The following CLCN7 variants were observed in gnomAD, a reference collection of about 807,000 sequenced individuals.
The protein encoded by CLCN7 is Cl-/H+ antiporter 7.
A neutral mutation model predicts 102.1 loss-of-function variants in CLCN7; 60 were observed. That is an observed-to-expected ratio of 0.59 (90% CI 0.48 to 0.73). The LOEUF (loss-of-function observed/expected upper bound fraction) is 0.73. Ranked by LOEUF, CLCN7 falls within the 30% of genes least tolerant of loss-of-function variation. The pLI is 0.00. For synonymous variants in CLCN7, 560 were observed against 490.5 expected (o/e 1.14, Z -1.87); for missense variants, 962 against 1,125.7 (o/e 0.85, Z 2.08).
intron 1 of CLCN7, 117 bp downstream of exon 1, chr16:1,474,717 C>T: frequency 1.1e-6 from 1 of 934,454 alleles, no homozygotes; most frequent in Non-Finnish European, 1.4e-6. Flanking sequence ...CCGAGTCCAC[C>T]GCGCCTCGGT....
chr16:1,460,546 G>C lies in CLCN7; in HGVS notation c.485-19C>G, dbSNP rs1490910679. ...TCGATATCTGGGGCTCATCAAGGAG[G>C]GCTGGCTGCTTCCCCGTCATGACCA... On this transcript the variant is annotated intron_variant, in intron 5 of 24. Coordinates refer to ENST00000382745, the MANE Select transcript of CLCN7 (RefSeq NM_001287.6). 5.7e-6 allele frequency: 9 copies of C among 1,588,628 alleles called. No homozygotes were observed. The highest frequency in any genetic ancestry group is 2.2e-5 in the South Asian group (2 of 90,522).
chr16:1,460,595 C>T (rs897329679), intron 5 of CLCN7, 68 bp from the exon 6 acceptor site: 5 of 1,381,238 alleles, frequency 3.6e-6, no homozygotes, highest in East Asian at 2.3e-5. Context: ...TCAGCCCTGC[C>T]CCACAGACCA....
intron 14 of CLCN7, among the ~76,000 whole-genome samples, chr16:1,453,204 G>A (rs998992612): frequency 5.3e-5 from 8 of 152,062 alleles, no homozygotes; most frequent in African/African-American, 1.9e-4. Context: ...GTAGAGACGG[G>A]GTTTCTCCAT....
Position 1,461,037 on chromosome 16 carries a change from C to G in CLCN7, c.352-89G>C, listed in dbSNP as rs111826857. 7.2e-6 allele frequency: 11 copies of G among 1,525,398 alleles called. No homozygotes were observed. In the African/African-American group the frequency reaches 1.2e-4, roughly 17 times the overall value. 94.5% of individuals were successfully genotyped at this position (1,525,398 alleles called of 1,614,324 possible). ...GGACCGCCCAGACCGCCTGCAGGCC[C>G]CGGGATTATGAAGGGCCCAGTGTGC... On this transcript the variant is annotated intron_variant, in intron 4 of 24. Transcript: ENST00000382745.
chr16:1,447,633 T>C (rs759242069), intron 22 of CLCN7, 22 bp downstream of exon 22: 1 of 1,552,000 alleles, frequency 6.4e-7, no homozygotes, highest in South Asian at 1.2e-5. Context: ...ACCCGCCCAA[T>C]GGCCCGGAGC....
intron 21 of CLCN7, 94 bp from the exon 22 acceptor site, chr16:1,447,808 C>T (rs2038677910): frequency 7.2e-7 from 1 of 1,383,990 alleles, no homozygotes; most frequent in Non-Finnish European, 1.0e-6. Context: ...CTGTTCCGGC[C>T]AGATTTCCCA....
intron 2 of CLCN7, among the ~76,000 whole-genome samples, chr16:1,462,363 GTCTTTTTTTTTT>G (rs2038949629): frequency 1.0e-5 from 1 of 98,446 alleles, no homozygotes; most frequent in Admixed American, 1.2e-4. Flanking sequence ...ACCCTCATCT[GTCTTTTTTTTTT>G]TTTTTTTTTT....
Position 1,465,307 on chromosome 16 carries a change from T to A in CLCN7, c.173A>T (p.His58Leu), listed in dbSNP as rs538485246. The change falls in exon 2 of 25, where the codon CAT becomes CTT. Residue 58 changes from histidine to leucine, a missense_variant. Transcript: ENST00000382745. ...ATCATCCAGCTCCACGCTGCTCATA[T>A]GTCCGACTCGGAAAAGCGCAGAACG... ...SPRSALFRVGHMSSVELDDEL... is the reference protein window; with the variant it reads ...SPRSALFRVGLMSSVELDDEL... 518 of 1,613,920 alleles carry A rather than the reference T, an allele frequency of 3.2e-4. 6 individuals are homozygous for A. In the South Asian group the frequency reaches 5.5e-3, roughly 17 times the overall value.
At chr16:1,454,658 G>A (rs1000965846) in intron 12 of CLCN7, among the ~76,000 whole-genome samples, 193 bp from the exon 13 acceptor site, 19 of 152,212 alleles carry the variant, frequency 1.2e-4, no homozygotes, top group Non-Finnish European at 2.4e-4. Context: ...CCTGCCTGGC[G>A]GGGTGGCCAG....
chr16:1,465,861 C>G (rs1423143368), intron 1 of CLCN7, among the ~76,000 whole-genome samples: 1 of 152,212 alleles, frequency 6.6e-6, no homozygotes, highest in Non-Finnish European at 1.5e-5. Context: ...GTCTCAGCCA[C>G]CTAAGGCTTT....
In CLCN7 at chr16:1,448,757, C is replaced by A. The variant is rs200917404; in HGVS notation, c.1807G>T (p.Asp603Tyr). 6.2e-7 allele frequency: 1 copy of A among 1,612,168 alleles called. No individual in the cohort carries two copies. Among genetic ancestry groups the A allele is most frequent in the South Asian group, 1.1e-5 (1 of 91,072 alleles). Residue 603 changes from aspartate to tyrosine, a missense_variant, in exon 20 of 25, where the codon GAC becomes TAC. Around this residue, in one of 2 missense-constraint regions of CLCN7, gnomAD observed 799 missense variants for 988.0 expected, o/e 0.81. Coordinates refer to ENST00000382745, the MANE Select transcript of CLCN7 (RefSeq NM_001287.6). ...ACACTCTGCAGCTGAATGTGCATGT[C>A]GTACAGGCCCTGCGGGCGGGGCGGG... ...VGDVFIEGLY[D>Y]MHIQLQSVPF...
rs533051397 is a variant in CLCN7 at position 1,463,022 on chromosome 16, A to G, written c.214-1348T>C. 3.5e-4 allele frequency among the ~76,000 whole-genome samples: 53 copies of G among 152,228 alleles called. 1 individual carries two copies. In the South Asian group the frequency reaches 0.01, roughly 30 times the overall value. ...CAAAATATTAGCTGAGTATGGTGAC[A>G]TGCGCCTGAGTCCCAGCTACTTGGG... On this transcript the variant is annotated intron_variant, in intron 2 of 24. Coordinates refer to ENST00000382745, the MANE Select transcript of CLCN7 (RefSeq NM_001287.6).
intron 1 of CLCN7, among the ~76,000 whole-genome samples, chr16:1,468,661 C>A (rs559097573): frequency 6.6e-6 from 1 of 152,196 alleles, no homozygotes; most frequent in South Asian, 2.1e-4. Flanking sequence ...AGACTCGGGC[C>A]GGACGGGAGG....
At position 1,446,424 on chromosome 16, in the gene CLCN7, C is replaced by T. The variant is rs768254023; in HGVS notation, c.*207G>A. ...TGGAGGCTGGGCCTGCGCAAGGAGG[C>T]GCCAAGGGGGGAGACCACTGCCCAC... On this transcript the variant is annotated 3_prime_UTR_variant, in exon 25 of 25. Transcript: ENST00000382745. 12 of 703,046 alleles carry T rather than the reference C, an allele frequency of 1.7e-5. No homozygotes were observed. Among genetic ancestry groups the T allele is most frequent in the South Asian group, 3.0e-5 (2 of 67,622 alleles). The allele number at this position is 703,046 out of a possible 1,614,324, so 43.6% of individuals were successfully genotyped here.
At chr16:1,448,127 C>T (rs1262504370) in intron 21 of CLCN7, among the ~76,000 whole-genome samples, 3 of 152,314 alleles carry the variant, frequency 2.0e-5, no homozygotes, top group Admixed American at 6.5e-5. Context: ...CGGCTCTCAG[C>T]CCAGCCTGGG....
rs547598211 is a variant in CLCN7 at position 1,456,812 on chromosome 16, G to A, written c.822+442C>T. 3.7e-4 allele frequency among the ~76,000 whole-genome samples: 56 copies of A among 149,992 alleles called. 1 individual carries two copies. The South Asian group carries it at 0.011, about 29-fold the overall frequency. ...GCTGAGATTGTACCACTGCACTCCA[G>A]CCTGGGCAACAGAGAGACTCCATCT... On this transcript the variant is annotated intron_variant, in intron 9 of 24. Transcript: ENST00000382745.
Position 1,467,096 on chromosome 16 carries a change from G to A in CLCN7, c.142-1758C>T, listed in dbSNP as rs548941368. ...CTGGCAGGGGAAGGAACCTGGGCAC[G>A]TGCCACTGGCCCTTGGCAGACACCA... On this transcript the variant is annotated intron_variant, in intron 1 of 24. Transcript: ENST00000382745. Among the ~76,000 whole-genome samples, 8 of 151,162 alleles carry A rather than the reference G, an allele frequency of 5.3e-5. No individual in the cohort carries two copies. In the South Asian group the frequency reaches 1.7e-3, roughly 31 times the overall value.
intron 9 of CLCN7, among the ~76,000 whole-genome samples, chr16:1,456,418 A>C (rs980233555): frequency 6.6e-6 from 1 of 152,200 alleles, no homozygotes; most frequent in Non-Finnish European, 1.5e-5. Flanking sequence ...GAAACACGCA[A>C]ACACCCAGCC....
chr16:1,456,838 CAAAA>C (rs34329111), intron 9 of CLCN7, among the ~76,000 whole-genome samples: 1 of 107,932 alleles, frequency 9.3e-6, no homozygotes. Context: ...GACTCCATCT[CAAAA>C]AAAAAAAAAA....
Sources: allele counts gnomAD v4.1 joint callset (sites outside exome capture counted in the v4.1 genomes callset), GRCh38; gene constraint gnomAD v4.1.1; regional missense constraint gnomAD v4.1.1; transcripts MANE v1.5; gene names NCBI Gene and HGNC (gene_info 2026-07-23, HGNC 2026-07-21).